The following STAP1 variants were observed in gnomAD, a reference collection of about 807,000 sequenced individuals.
STAP1 encodes the protein signal-transducing adaptor protein 1.
Under a neutral mutation model 37.8 loss-of-function variants are expected in STAP1, and 30 were observed. That is an observed-to-expected ratio of 0.79 (90% CI 0.59 to 1.08). The LOEUF (loss-of-function observed/expected upper bound fraction) is 1.08, where lower values mean the gene tolerates loss of function less well. STAP1 is among the 50% of genes least tolerant of loss of function. STAP1 has a pLI of 0.00. For missense variants in STAP1, 357 were observed against 349.4 expected (o/e 1.02, Z -0.17); for synonymous variants, 130 against 116.0 (o/e 1.12, Z -0.78).
chr4:67,592,161 G>A (rs1391887147), intron 7 of STAP1, among the ~76,000 whole-genome samples: 2 of 150,502 alleles, frequency 1.3e-5, no homozygotes, highest in Admixed American at 6.6e-5. Context: ...TTGCTGTGTT[G>A]CCCAGGCTTG....
At chr4:67,573,832 T>C (rs1016863432) in intron 2 of STAP1, among the ~76,000 whole-genome samples, 2 of 152,124 alleles carry the variant, frequency 1.3e-5, no homozygotes, top group Non-Finnish European at 2.9e-5. Flanking sequence ...ATAAGTCATA[T>C]TGGCTACAAT....
intron 3 of STAP1, among the ~76,000 whole-genome samples, chr4:67,576,702 C>G (rs1727730116): frequency 6.6e-6 from 1 of 152,110 alleles, no homozygotes; most frequent in South Asian, 2.1e-4. Flanking sequence ...ACCATGTTGC[C>G]CAGGCTGTCT....
At chr4:67,578,564 C>T (rs904834564) in intron 4 of STAP1, among the ~76,000 whole-genome samples, 1 of 152,056 alleles carries the variant, frequency 6.6e-6, no homozygotes, top group South Asian at 2.1e-4. Flanking sequence ...GCACTCTTTC[C>T]CTCTGTTGTG....
At chr4:67,602,143 T>C (rs1257655050) in intron 8 of STAP1, among the ~76,000 whole-genome samples, 1 of 152,016 alleles carries the variant, frequency 6.6e-6, no homozygotes, top group African/African-American at 2.4e-5. Context: ...GATTCTGATA[T>C]ATCCTTCAGA....
intron 1 of STAP1, among the ~76,000 whole-genome samples, chr4:67,570,503 C>G (rs1727579248): frequency 6.6e-6 from 1 of 152,046 alleles, no homozygotes; most frequent in South Asian, 2.1e-4. Flanking sequence ...CTAAAATAAA[C>G]TTGAGAATGA....
intron 8 of STAP1, among the ~76,000 whole-genome samples, chr4:67,596,302 GTT>G (rs1175061960): frequency 2.6e-5 from 4 of 152,158 alleles, no homozygotes; most frequent in African/African-American, 9.7e-5. Context: ...ATGATTGTAA[GTT>G]TCCTGAGGCT....
intron 1 of STAP1, among the ~76,000 whole-genome samples, chr4:67,564,836 C>T (rs1451513070): frequency 1.3e-5 from 2 of 152,172 alleles, no homozygotes; most frequent in Non-Finnish European, 2.9e-5. Context: ...TGGCTTCAAC[C>T]TGGGAGGCAG....
At chr4:67,579,318 G>A (rs1424466104) in intron 4 of STAP1, among the ~76,000 whole-genome samples, 1 of 152,216 alleles carries the variant, frequency 6.6e-6, no homozygotes, top group Non-Finnish European at 1.5e-5. Context: ...GTAGTTGAAA[G>A]AGCTGAGACA....
Position 67,593,302 on chromosome 4 carries a change from A to G in STAP1, c.772A>G (p.Lys258Glu). ...TTTCAGTGTCATTGATTATTTTGTG[A>G]AGGAGACTCGAGGAAATTTAAGACC... ...NLFSVIDYFV[K>E]ETRGNLRPFI... Residue 258 changes from lysine to glutamate, a missense_variant, in exon 8 of 9, where the codon AAG becomes GAG. Transcript: ENST00000265404. The G allele has an allele frequency of 6.2e-7, 1 of 1,613,504 alleles. No individual in the cohort carries two copies. Among genetic ancestry groups the G allele is most frequent in the Non-Finnish European group, 8.5e-7 (1 of 1,179,758 alleles).
intron 8 of STAP1, among the ~76,000 whole-genome samples, chr4:67,598,707 AT>A (rs1728275560): frequency 6.6e-6 from 1 of 152,032 alleles, no homozygotes; most frequent in Non-Finnish European, 1.5e-5. Flanking sequence ...GTTTGCAAAT[AT>A]TTTCTCCCAT....
intron 7 of STAP1, among the ~76,000 whole-genome samples, 186 bp downstream of exon 7, chr4:67,591,139 TTTTC>T (rs1728111535): frequency 6.6e-6 from 1 of 152,136 alleles, no homozygotes; most frequent in Non-Finnish European, 1.5e-5. Context: ...TTCTTTCCAC[TTTTC>T]TTTTTCTGCA....
chr4:67,562,538 G>A (rs1727372081), intron 1 of STAP1, among the ~76,000 whole-genome samples: 1 of 151,454 alleles, frequency 6.6e-6, no homozygotes, highest in Admixed American at 6.6e-5. Flanking sequence ...GGCCGAGGCG[G>A]GCGGATCACG....
chr4:67,605,484 G>C (rs1728432210), intron 8 of STAP1, among the ~76,000 whole-genome samples: 1 of 151,952 alleles, frequency 6.6e-6, no homozygotes, highest in Admixed American at 6.6e-5. Context: ...TTGTGGTCGG[G>C]AACAAACTAC....
rs1727698361 is a variant in STAP1, at chr4:67,575,470, T to C, written c.278T>C (p.Val93Ala). 6.2e-7 allele frequency: 1 copy of C among 1,611,440 alleles called. No homozygotes were observed. The highest frequency in any genetic ancestry group is 8.5e-7 in the Non-Finnish European group (1 of 1,179,058). ...AAGAACTGTGCGAAATTCACCCTTG[T>C]TTTGCCGAAAGAGGAAGTACAACTG... is the stretch of plus-strand genomic sequence containing the variant. ...TEKNCAKFTL[V>A]LPKEEVQLKT... The change falls in exon 3 of 9, where the codon GTT becomes GCT. Residue 93 changes from valine to alanine, a missense_variant. Val to Ala is a moderately conservative substitution (Grantham distance 64, BLOSUM62 0). Transcript: ENST00000265404.
chr4:67,600,472 A>G (rs1560468230), intron 8 of STAP1, among the ~76,000 whole-genome samples: 1 of 152,094 alleles, frequency 6.6e-6, no homozygotes, highest in Non-Finnish European at 1.5e-5. Flanking sequence ...AAAAATGTGT[A>G]TTCTGTAGAT....
intron 1 of STAP1, among the ~76,000 whole-genome samples, chr4:67,560,860 G>C (rs1727321453): frequency 6.6e-6 from 1 of 152,164 alleles, no homozygotes; most frequent in African/African-American, 2.4e-5. Flanking sequence ...CGTTGTTCAG[G>C]TTGGTCTCAA....
Position 67,606,296 on chromosome 4 carries a change from G to C in STAP1, c.827G>C (p.Gly276Ala). Reference protein sequence around the residue: ...PFICSTDENTGQEPSMEGRSE... With the variant: ...PFICSTDENTAQEPSMEGRSE... The stretch of plus-strand genomic sequence containing the variant: ...AAGTTTTTCTACCCACAATTTCTAG[G>C]TCAAGAACCCAGTATGGAAGGGAGA... Residue 276 changes from glycine (G) to alanine (A), a missense_variant and splice_region_variant, in exon 9 of 9, where the codon GGT becomes GCT. By Grantham distance (60) the Gly-to-Ala change is moderately conservative. Transcript: ENST00000265404. The C allele has an allele frequency of 6.2e-7, 1 of 1,609,274 alleles. No homozygotes were observed. The highest frequency in any genetic ancestry group is 8.5e-7 in the Non-Finnish European group (1 of 1,178,440).
At chr4:67,584,914 G>A (rs1727948103) in intron 6 of STAP1, among the ~76,000 whole-genome samples, 2 of 152,168 alleles carry the variant, frequency 1.3e-5, no homozygotes, top group South Asian at 4.1e-4. Context: ...CCACTTAGGA[G>A]CCTCTTTGTC....
In STAP1 at chr4:67,590,929, C is replaced by T. The variant is rs1447104117; in HGVS notation, c.705C>T (p.Asn235=). The change falls in exon 7 of 9, where the codon AAC becomes AAT. Residue 235 remains asparagine (N), a synonymous_variant. Transcript: ENST00000265404. ...KHYKVMSVGQ[N]YTIELEKPVT... Reference sequence around the variant, plus strand: ...ACAAAGTGATGAGCGTAGGACAAAACTACACTATTGAACTGGAAAAACCTG... The same window carrying T: ...ACAAAGTGATGAGCGTAGGACAAAATTACACTATTGAACTGGAAAAACCTG... 6.2e-7 allele frequency: 1 copy of T among 1,612,174 alleles called. No homozygotes were observed. The highest frequency in any genetic ancestry group is 2.2e-5 in the East Asian group (1 of 44,746).
Sources: allele counts gnomAD v4.1 joint callset (sites outside exome capture counted in the v4.1 genomes callset), GRCh38; gene constraint gnomAD v4.1.1; transcripts MANE v1.5; gene names NCBI Gene and HGNC (gene_info 2026-07-23, HGNC 2026-07-21).